Variants in POLE observed in about 807,000 individuals in gnomAD.
The protein encoded by POLE is DNA polymerase epsilon, catalytic subunit.
A neutral mutation model predicts 279.2 loss-of-function variants in POLE; 188 were observed. That is an observed-to-expected ratio of 0.67 (90% CI 0.60 to 0.76). The LOEUF (loss-of-function observed/expected upper bound fraction) is 0.76, where lower values mean the gene tolerates loss of function less well. Among genes scored for constraint, POLE ranks in the 30% least tolerant of loss-of-function variants. The pLI is 0.00. For synonymous variants in POLE, 1,214 were observed against 1,172.5 expected (o/e 1.04, Z -0.72); for missense variants, 2,703 against 3,016.7 (o/e 0.90, Z 2.44).
chr12:132,626,058 C>G, intron 46 of POLE, 59 bp downstream of exon 46: 3 of 1,498,850 alleles, frequency 2.0e-6, no homozygotes, highest in Non-Finnish European at 2.7e-6. Flanking sequence ...CCTCAAGACA[C>G]CGCAGTGCCC....
At chr12:132,644,536 G>C (rs909693998) in intron 32 of POLE, among the ~76,000 whole-genome samples, 9 of 152,146 alleles carry the variant, frequency 5.9e-5, no homozygotes, top group African/African-American at 2.2e-4. Flanking sequence ...ACTGATCTGG[G>C]GAGGTTCCCA....
chr12:132,659,968 G>A (rs2042642411), intron 25 of POLE: 1 of 178,260 alleles, frequency 5.6e-6, no homozygotes, highest in Non-Finnish European at 1.2e-5. Flanking sequence ...TGGGATTACA[G>A]GCGTGAGCCA....
chr12:132,642,429 C>T (rs1248354170), intron 37 of POLE, 32 bp from the exon 38 acceptor site: 1 of 1,593,316 alleles, frequency 6.3e-7, no homozygotes, highest in Non-Finnish European at 8.6e-7. Flanking sequence ...CACCGGGGCA[C>T]ATCGCCGGGT....
chr12:132,653,161 C>G (rs1249693681), intron 29 of POLE, among the ~76,000 whole-genome samples: 2 of 152,160 alleles, frequency 1.3e-5, no homozygotes, highest in East Asian at 3.9e-4. Context: ...GCAGGAGGAT[C>G]ACTTGAGCCC....
rs878854839 is a variant in POLE, at chr12:132,675,490, G to T, written c.1134C>A (p.Val378=). ...TCTCCTGCTGCATGCTCAGACCGTG[G>T]ACTGCTGCCCGGGCCTCCACAAATG... ...DWPFVEARAA[V]HGLSMQQEIG... is the part of the protein sequence containing the mutation. The change falls in exon 12 of 49, where the codon GTC becomes GTA. Residue 378 remains valine, a synonymous_variant. Transcript: ENST00000320574. The surrounding 1 kb of genome is among the most constrained non-coding windows in gnomAD (Gnocchi z 4.3). 6.2e-7 allele frequency: 1 copy of T among 1,614,142 alleles called. No individual in the cohort carries two copies. The highest frequency in any genetic ancestry group is 8.5e-7 in the Non-Finnish European group (1 of 1,180,034).
At chr12:132,674,544 G>A (rs1195150169) in intron 12 of POLE, among the ~76,000 whole-genome samples, 2 of 152,096 alleles carry the variant, frequency 1.3e-5, no homozygotes, top group African/African-American at 2.4e-5. Context: ...CTCCACGGAT[G>A]GCACAAAAAC....
rs2042837510 is a variant in POLE, at chr12:132,668,128, C to A, written c.2173+228G>T. Among the ~76,000 whole-genome samples, 1 of 151,816 alleles carries A rather than the reference C, an allele frequency of 6.6e-6. No individual in the cohort carries two copies. Among genetic ancestry groups the A allele is most frequent in the Admixed American group, 6.6e-5 (1 of 15,238 alleles). On this transcript the variant is annotated intron_variant, in intron 19 of 48. Transcript: ENST00000320574. This position sits in a 1 kb window ranked among gnomAD's most constrained non-coding sequence, Gnocchi z 4.0. ...AGGACAGCCCAGGGGTAGGAACAGG[C>A]CAAATACCCCAAGACCACAGAGCAG... is the stretch of plus-strand genomic sequence containing the variant.
chr12:132,624,535 C>T lies in POLE; in HGVS notation c.*162G>A. 2 of 638,316 alleles carry T rather than the reference C, an allele frequency of 3.1e-6. No individual in the cohort carries two copies. Among genetic ancestry groups the T allele is most frequent in the Admixed American group, 2.4e-5 (1 of 41,212 alleles). The allele number at this position is 638,316 out of a possible 1,614,324, so 39.5% of individuals were successfully genotyped here. On this transcript the variant is annotated 3_prime_UTR_variant, in exon 49 of 49. Transcript: ENST00000320574. ...GCTCCCTCCTGTGACGTCTGAGCTC[C>T]CTGAAAATGGTTTTCTTTGGTTTCC...
At position 132,649,803 on chromosome 12, in the gene POLE, T is replaced by C. The variant is rs1433054330; in HGVS notation, c.3669A>G (p.Pro1223=). Residue 1223 remains proline, a synonymous_variant, in exon 30 of 49, where the codon CCA becomes CCG. Transcript: ENST00000320574. ...TCCTCTTCACAGTGACAGGGGCTGC[T>C]GGGTGAGGCAGCTTTACGAGGCCGA... ...EDFGLVKLPH[P]AAPVTVKRKR... The C allele has an allele frequency of 6.2e-7, 1 of 1,614,170 alleles. No homozygotes were observed. The highest frequency in any genetic ancestry group is 8.5e-7 in the Non-Finnish European group (1 of 1,180,028).
At chr12:132,635,760 T>C (rs1422088043) in intron 42 of POLE, 132 bp downstream of exon 42, 2 of 858,238 alleles carry the variant, frequency 2.3e-6, no homozygotes, top group African/African-American at 1.7e-5. Flanking sequence ...CCCGTGTTCA[T>C]GAGGGCAGGA....
In POLE at chr12:132,661,251, T is replaced by C; in HGVS notation, c.2865-87A>G. The C allele has an allele frequency of 7.9e-7, 1 of 1,267,932 alleles. No individual in the cohort carries two copies. Among genetic ancestry groups the C allele is most frequent in the Non-Finnish European group, 1.1e-6 (1 of 916,186 alleles). The allele number at this position is 1,267,932 out of a possible 1,614,324, so 78.5% of individuals were successfully genotyped here. A position where few individuals can be genotyped will look rare whatever the true frequency, so the allele number is the denominator to read the frequency against. ...TGCCTCATCCTCTCTGCCCGCCTCT[T>C]CCCTTTCCAACCCTCCACCTGTCAT... On this transcript the variant is annotated intron_variant, in intron 24 of 48. Coordinates refer to ENST00000320574, the MANE Select transcript of POLE (RefSeq NM_006231.4). The surrounding 1 kb of genome is among the most constrained non-coding windows in gnomAD (Gnocchi z 4.1).
chr12:132,665,192 T>A, intron 21 of POLE, 110 bp downstream of exon 21: 2 of 1,155,020 alleles, frequency 1.7e-6, no homozygotes, highest in Non-Finnish European at 2.5e-6. Flanking sequence ...CCAACATTCC[T>A]TGAATCAGAT....
At chr12:132,633,029 A>T (rs1044061291) in intron 43 of POLE, 6 of 508,320 alleles carry the variant, frequency 1.2e-5, no homozygotes, top group African/African-American at 1.2e-4. Flanking sequence ...AAACTGTATA[A>T]ATGGGGCCAT....
At chr12:132,669,062 T>A (rs2042865199) in intron 16 of POLE, 123 bp from the exon 17 acceptor site, 2 of 829,208 alleles carry the variant, frequency 2.4e-6, no homozygotes, top group African/African-American at 1.7e-5. Context: ...GAGCAAAAAC[T>A]AGCCAGAAGA....
intron 8 of POLE, 95 bp from the exon 9 acceptor site, chr12:132,676,748 G>T: frequency 7.9e-6 from 6 of 756,732 alleles, no homozygotes; most frequent in Admixed American, 2.1e-5. Flanking sequence ...CCCTCTGGTT[G>T]TTAAAAGAGT....
chr12:132,634,504 A>C lies in POLE; in HGVS notation c.5812-126T>G. ...CCGTTTGACCAGAGGCCTTCCTCGC[A>C]GTCAAGGCATCCCCTGGAGCCTGCG... On this transcript the variant is annotated intron_variant, in intron 42 of 48. Transcript: ENST00000320574. The surrounding 1 kb of genome is among the most constrained non-coding windows in gnomAD (Gnocchi z 4.0). 1.1e-6 allele frequency: 1 copy of C among 892,886 alleles called. No homozygotes were observed. Among genetic ancestry groups the C allele is most frequent in the South Asian group, 1.6e-5 (1 of 62,186 alleles). The allele number at this position is 892,886 out of a possible 1,614,324, so 55.3% of individuals were successfully genotyped here.
At chr12:132,637,445 T>C (rs1290793659) in intron 41 of POLE, among the ~76,000 whole-genome samples, 1 of 152,200 alleles carries the variant, frequency 6.6e-6, no homozygotes, top group East Asian at 1.9e-4. Flanking sequence ...CAAAAGTTGC[T>C]GGTGGAGATT....
chr12:132,679,137 A>T (rs1434483829), intron 6 of POLE, among the ~76,000 whole-genome samples: 1 of 152,216 alleles, frequency 6.6e-6, no homozygotes, highest in Non-Finnish European at 1.5e-5. Flanking sequence ...ACGATACCCA[A>T]GGTTCTCTGG....
chr12:132,634,420 G>A lies in POLE; in HGVS notation c.5812-42C>T, dbSNP rs1353535901. The A allele has an allele frequency of 8.9e-6, 14 of 1,578,360 alleles. No individual in the cohort carries two copies. Among genetic ancestry groups the A allele is most frequent in the South Asian group, 4.6e-5 (4 of 86,904 alleles). On this transcript the variant is annotated intron_variant, in intron 42 of 48. Coordinates refer to ENST00000320574, the MANE Select transcript of POLE (RefSeq NM_006231.4). This position sits in a 1 kb window ranked among gnomAD's most constrained non-coding sequence, Gnocchi z 4.0. ...AACGCGGCTGTGTTTGCACCATCGC[G>A]GCCTGGTAGAGGGGTAGGATGCCAC...
Sources: gnomAD v4.1 joint callset for allele counts (sites outside exome capture counted in the v4.1 genomes callset) on GRCh38, gnomAD v4.1.1 for gene constraint, Gnocchi (gnomAD v3.1) non-coding constraint, MANE v1.5 for transcripts, NCBI Gene and HGNC (gene_info 2026-07-23, HGNC 2026-07-21) for gene names.